Variants in ANXA4 observed in about 807,000 individuals in gnomAD.
ANXA4 encodes 35-beta calcimedin.
ANXA4 carries 39 observed loss-of-function variants against 49.8 expected under a neutral mutation model. The observed-to-expected ratio is 0.78, with a 90% CI of 0.61 to 1.02. The LOEUF is 1.02. ANXA4 is among the 50% of genes least tolerant of loss of function. ANXA4 has a pLI of 0.00. For missense variants in ANXA4, 360 were observed against 410.1 expected, an observed-to-expected ratio of 0.88 and a Z score of 1.05; for synonymous variants, 134 against 152.5, an observed-to-expected ratio of 0.88 and a Z score of 0.89.
intron 12 of ANXA4, 68 bp from the exon 13 acceptor site, chr2:69,825,388 T>C: frequency 1.5e-6 from 2 of 1,349,972 alleles, no homozygotes; most frequent in Non-Finnish European, 2.1e-6. Flanking sequence ...AAAGTTGGCT[T>C]AGATGACTTT....
intron 1 of ANXA4, among the ~76,000 whole-genome samples, chr2:69,771,750 T>C (rs1424799462): frequency 1.3e-5 from 2 of 152,238 alleles, no homozygotes; most frequent in Non-Finnish European, 2.9e-5. Flanking sequence ...TGTATTATTA[T>C]CCTTCTGGAC....
intron 1 of ANXA4, among the ~76,000 whole-genome samples, chr2:69,645,814 T>C (rs1194739390): frequency 6.6e-6 from 1 of 152,222 alleles, no homozygotes; most frequent in African/African-American, 2.4e-5. Context: ...CCACAGTTTT[T>C]CATGCTTTAC....
intron 8 of ANXA4, among the ~76,000 whole-genome samples, chr2:69,814,222 C>G (rs1673850308): frequency 6.6e-6 from 1 of 151,908 alleles, no homozygotes; most frequent in African/African-American, 2.4e-5. Flanking sequence ...AGCACGGCAG[C>G]TGGGTTTCAA....
chr2:69,687,921 A>G (rs915312534), intron 2 of ANXA4, among the ~76,000 whole-genome samples: 2 of 152,264 alleles, frequency 1.3e-5, no homozygotes, highest in Admixed American at 1.3e-4. Flanking sequence ...GTCAGTATGC[A>G]TCTCTAAAAC....
intron 9 of ANXA4, chr2:69,816,856 T>C (rs1674015713): frequency 6.6e-6 from 1 of 152,258 alleles, no homozygotes; most frequent in South Asian, 2.1e-4. Context: ...TATAATTTTA[T>C]AAACCCACCC....
intron 2 of ANXA4, among the ~76,000 whole-genome samples, chr2:69,677,095 C>T (rs772891493): frequency 2.0e-5 from 3 of 152,118 alleles, no homozygotes; most frequent in Admixed American, 1.3e-4. Flanking sequence ...GGATTATAGG[C>T]GTGAGCCACC....
In ANXA4 at chr2:69,656,189, GTATA is replaced by G. The variant is rs151207766; in HGVS notation, n.766+2920_766+2923del. On this transcript the variant is annotated intron_variant and non_coding_transcript_variant, in intron 2 of 3. Transcript: ENST00000418066. ...TAAAGTATAATTAAAATATATATAC[GTATA>G]TATATATATATACACACACATATAT... Among the ~76,000 whole-genome samples, 49 of 127,940 alleles carry G rather than the reference GTATA, an allele frequency of 3.8e-4. 1 individual carries two copies. Among genetic ancestry groups the G allele is most frequent in the Admixed American group, 1.4e-3 (15 of 10,554 alleles). 83.9% of individuals were successfully genotyped at this position (127,940 alleles called of 152,430 possible). A position where few individuals can be genotyped will look rare whatever the true frequency, so the allele number is the denominator to read the frequency against.
chr2:69,655,033 G>A (rs1676383604), intron 2 of ANXA4, among the ~76,000 whole-genome samples: 1 of 152,022 alleles, frequency 6.6e-6, no homozygotes, highest in Non-Finnish European at 1.5e-5. Flanking sequence ...AACTCAAGAT[G>A]GATTAAAGAC....
chr2:69,752,882 A>T (rs915478525), intron 1 of ANXA4, among the ~76,000 whole-genome samples: 8 of 152,082 alleles, frequency 5.3e-5, no homozygotes, highest in African/African-American at 1.9e-4. Flanking sequence ...CTCCCACTCA[A>T]CTCCAAGCTA....
chr2:69,662,995 T>TC (rs1443694499), intron 2 of ANXA4, among the ~76,000 whole-genome samples: 5 of 144,506 alleles, frequency 3.5e-5, no homozygotes, highest in Non-Finnish European at 6.1e-5. Flanking sequence ...TCTTTTTCTT[T>TC]TTTTTTTTTT....
chr2:69,797,115 G>A (rs1031874432), intron 3 of ANXA4, among the ~76,000 whole-genome samples: 1 of 152,038 alleles, frequency 6.6e-6, no homozygotes, highest in African/African-American at 2.4e-5. Context: ...AAAGTTTTAG[G>A]GTCAAAGGAC....
rs182663534 is a variant in ANXA4, at chr2:69,780,904, G to A, written c.-46-616G>A. Among the ~76,000 whole-genome samples, 6 of 152,322 alleles carry A rather than the reference G, an allele frequency of 3.9e-5. No homozygotes were observed. The East Asian group carries it at 7.7e-4, about 20-fold the overall frequency. The stretch of plus-strand genomic sequence containing the variant: ...TGCATTCTGAACAACTGAAAAAAAT[G>A]TGTGATGATGATGAAAGAGGGGGTG... On this transcript the variant is annotated intron_variant, in intron 1 of 12. Transcript: ENST00000394295.
intron 3 of ANXA4, among the ~76,000 whole-genome samples, chr2:69,797,464 T>C (rs551899146): frequency 6.6e-6 from 1 of 152,328 alleles, no homozygotes; most frequent in Admixed American, 6.5e-5. Flanking sequence ...GTGTGACCTG[T>C]GTGGCTTCTT....
At chr2:69,800,270 T>A (rs1372126056) in intron 3 of ANXA4, among the ~76,000 whole-genome samples, 1 of 148,430 alleles carries the variant, frequency 6.7e-6, no homozygotes, top group Non-Finnish European at 1.5e-5. Flanking sequence ...AGGACCCACC[T>A]TTTTTTTCAG....
rs1421101007 is a variant in ANXA4, at chr2:69,651,816, T to TG, written n.482-1182_482-1181insG. 5.3e-4 allele frequency among the ~76,000 whole-genome samples: 10 copies of TG among 18,840 alleles called. No individual in the cohort carries two copies. In the East Asian group the frequency reaches 0.011, roughly 21 times the overall value. 12.4% of individuals were successfully genotyped at this position (18,840 alleles called of 152,430 possible). ...CGCGCCCGGCTTTTTTTTTTTTTTTTTGGGGGGGGGGGGCGGGGAGACAGA... is the reference window on the plus strand; with the variant it reads ...CGCGCCCGGCTTTTTTTTTTTTTTTTGTGGGGGGGGGGGGCGGGGAGACAGA... On this transcript the variant is annotated intron_variant and non_coding_transcript_variant, in intron 1 of 3. Coordinates refer to the ANXA4 transcript ENST00000418066.
intron 2 of ANXA4, among the ~76,000 whole-genome samples, chr2:69,684,685 C>G (rs978667962): frequency 2.5e-5 from 2 of 80,066 alleles, no homozygotes; most frequent in African/African-American, 1.0e-4. Context: ...AAGACTGTCT[C>G]AAAAAAAAAA....
intron 2 of ANXA4, among the ~76,000 whole-genome samples, chr2:69,711,935 G>A (rs1678689881): frequency 6.6e-6 from 1 of 151,786 alleles, no homozygotes; most frequent in Non-Finnish European, 1.5e-5. Context: ...CTCTACTGCA[G>A]CAAAAAGGAA....
chr2:69,732,905 G>A (rs1286366217), intron 3 of ANXA4, among the ~76,000 whole-genome samples: 1 of 152,226 alleles, frequency 6.6e-6, no homozygotes, highest in Non-Finnish European at 1.5e-5. Context: ...CAAGCTGTGG[G>A]TGCCACCTTT....
intron 11 of ANXA4, among the ~76,000 whole-genome samples, chr2:69,819,972 G>A (rs1448068050): frequency 1.3e-5 from 2 of 151,794 alleles, no homozygotes; most frequent in Admixed American, 6.6e-5. Context: ...GGAGGCTGAG[G>A]CAGGAGAATC....
Sources: allele counts gnomAD v4.1 joint callset (sites outside exome capture counted in the v4.1 genomes callset), GRCh38; gene constraint gnomAD v4.1.1; transcripts MANE v1.5; gene names NCBI Gene and HGNC (gene_info 2026-07-23, HGNC 2026-07-21).